Variants in SLIT2 observed in about 807,000 individuals in gnomAD.
SLIT2 encodes slit guidance ligand 2, also known as slit homolog 2 protein.
In SLIT2, 41 loss-of-function variants were observed where a neutral mutation model predicts 185.7. The observed-to-expected ratio is 0.22, with a 90% CI of 0.17 to 0.29. The LOEUF is 0.29. SLIT2 is among the 10% of genes least tolerant of loss of function. The pLI is 1.00. For missense variants in SLIT2, 1,571 were observed against 1,909.0 expected, an observed-to-expected ratio of 0.82 and a Z score of 3.30; for synonymous variants, 693 against 680.2, an observed-to-expected ratio of 1.02 and a Z score of -0.29.
rs556525736 is a variant in SLIT2, at chr4:20,559,706, G to A, written c.2725+5738G>A. 2.0e-5 allele frequency among the ~76,000 whole-genome samples: 3 copies of A among 151,898 alleles called. No homozygotes were observed. In the South Asian group the frequency reaches 6.2e-4, roughly 32 times the overall value. ...TCCCCATTTGAGATATGAAAATATT[G>A]TATTTTAGAGTTATTAAGCAATTTT... is the stretch of plus-strand genomic sequence containing the variant. On this transcript the variant is annotated intron_variant, in intron 26 of 36. Coordinates refer to ENST00000504154, the MANE Select transcript of SLIT2 (RefSeq NM_004787.4).
At chr4:20,489,368 C>T (rs893568430) in intron 8 of SLIT2, among the ~76,000 whole-genome samples, 1 of 152,100 alleles carries the variant, frequency 6.6e-6, no homozygotes, top group Admixed American at 6.5e-5. Flanking sequence ...ATTCAAAGAG[C>T]AATTCAGCCA....
intron 4 of SLIT2, among the ~76,000 whole-genome samples, chr4:20,338,617 A>G (rs1720706181): frequency 6.6e-6 from 1 of 152,232 alleles, no homozygotes; most frequent in Admixed American, 6.5e-5. Flanking sequence ...TTTGGGAATA[A>G]TGACTGCATA....
At chr4:20,614,984 C>T (rs1261509764) in intron 34 of SLIT2, 1 of 152,122 alleles carries the variant, frequency 6.6e-6, no homozygotes, top group African/African-American at 2.4e-5. Flanking sequence ...CAAAAAGGAA[C>T]AGATTTACTA....
At chr4:20,536,763 T>G (rs1722332485) in intron 18 of SLIT2, among the ~76,000 whole-genome samples, 1 of 138,024 alleles carries the variant, frequency 7.2e-6, no homozygotes, top group African/African-American at 2.6e-5. Flanking sequence ...GCTGTATAAA[T>G]TTTTTTACTC....
At chr4:20,432,028 A>G (rs910574198) in intron 4 of SLIT2, among the ~76,000 whole-genome samples, 1 of 148,168 alleles carries the variant, frequency 6.7e-6, no homozygotes, top group East Asian at 1.9e-4. Context: ...TGTGTGTGTG[A>G]GAGAGAGAGA....
At chr4:20,360,889 C>T (rs1056660971) in intron 4 of SLIT2, among the ~76,000 whole-genome samples, 22 of 152,230 alleles carry the variant, frequency 1.4e-4, no homozygotes, top group Admixed American at 1.4e-3. Context: ...TAAAGTCAAC[C>T]TGTGACTTAC....
Position 20,594,457 on chromosome 4 carries a change from T to G in SLIT2, c.3183-1240T>G, listed in dbSNP as rs536323871. ...TCTTAAACTCAAATCAAAAACACTC[T>G]TGGAAGCCAATGTGTAAGCCTAATA... On this transcript the variant is annotated intron_variant, in intron 30 of 36. Coordinates refer to ENST00000504154, the MANE Select transcript of SLIT2 (RefSeq NM_004787.4). 2.0e-5 allele frequency among the ~76,000 whole-genome samples: 3 copies of G among 152,058 alleles called. No homozygotes were observed. The East Asian group carries it at 5.9e-4, about 30-fold the overall frequency.
intron 34 of SLIT2, chr4:20,615,884 G>A (rs1222272485): frequency 6.6e-6 from 1 of 152,266 alleles, no homozygotes; most frequent in African/African-American, 2.4e-5. Flanking sequence ...TTGTGGGGAT[G>A]TGGTGGTATA....
At chr4:20,556,491 G>T (rs1372271032) in intron 26 of SLIT2, among the ~76,000 whole-genome samples, 2 of 151,744 alleles carry the variant, frequency 1.3e-5, no homozygotes, top group Admixed American at 1.3e-4. Context: ...TCTGAAAAAA[G>T]TTGCATATTT....
rs1182755525 is a variant in SLIT2 at position 20,313,933 on chromosome 4, T to G, written c.395+45052T>G. 2.0e-4 allele frequency among the ~76,000 whole-genome samples: 30 copies of G among 152,206 alleles called. 1 individual carries two copies. The highest frequency in any genetic ancestry group is 1.9e-3 in the Admixed American group (29 of 15,286). Reference sequence around the variant, plus strand: ...TCCAGGCCCAGGGGTTGGGGACCCCTGTGTTAAAGTCATGTTCTTATAGCT... The same window carrying G: ...TCCAGGCCCAGGGGTTGGGGACCCCGGTGTTAAAGTCATGTTCTTATAGCT... On this transcript the variant is annotated intron_variant, in intron 4 of 36. Transcript: ENST00000504154.
At chr4:20,434,316 A>C (rs930010125) in intron 4 of SLIT2, among the ~76,000 whole-genome samples, 2 of 151,750 alleles carry the variant, frequency 1.3e-5, no homozygotes, top group South Asian at 2.1e-4. Context: ...GGAGAACCCT[A>C]TCTCTACTAA....
At chr4:20,472,316 A>ATATAGATATCTATATAGATATCTATATC (rs1715251622) in intron 5 of SLIT2, among the ~76,000 whole-genome samples, 1 of 15,160 alleles carries the variant, frequency 6.6e-5, no homozygotes, top group Non-Finnish European at 1.2e-4. Flanking sequence ...CTATATATAG[A>ATATAGATATCTATATAGATATCTATATC]TATATATATC....
chr4:20,510,434 G>T (rs1044769927), intron 9 of SLIT2, 61 bp from the exon 10 acceptor site: 17 of 1,043,876 alleles, frequency 1.6e-5, no homozygotes, highest in Non-Finnish European at 2.3e-5. Context: ...TCCTGAGCTT[G>T]AATTAAACAT....
chr4:20,553,802 C>A lies in SLIT2; in HGVS notation c.2562-3C>A. On this transcript the variant is annotated splice_polypyrimidine_tract_variant and splice_region_variant and intron_variant, in intron 25 of 36. Transcript: ENST00000504154. ...GTGTGCTTCTGTGGTGTTGTTTTTC[C>A]AGAGCAATTGGAGCCAACCCTCTTT... The A allele has an allele frequency of 6.4e-7, 1 of 1,558,054 alleles. No homozygotes were observed. Among genetic ancestry groups the A allele is most frequent in the Non-Finnish European group, 8.6e-7 (1 of 1,156,742 alleles).
intron 4 of SLIT2, among the ~76,000 whole-genome samples, chr4:20,362,431 A>C (rs1400590870): frequency 1.3e-5 from 2 of 152,116 alleles, no homozygotes; most frequent in Non-Finnish European, 1.5e-5. Flanking sequence ...GGGGAAAGCA[A>C]AGGGACAGCT....
chr4:20,454,509 G>A (rs971936474), intron 4 of SLIT2, among the ~76,000 whole-genome samples: 3 of 152,026 alleles, frequency 2.0e-5, no homozygotes, highest in Non-Finnish European at 4.4e-5. Context: ...GTTAAAATCT[G>A]GCAAATACTC....
chr4:20,570,756 T>TAC (rs1725536838), intron 29 of SLIT2, among the ~76,000 whole-genome samples: 7 of 139,838 alleles, frequency 5.0e-5, no homozygotes, highest in African/African-American at 1.6e-4. Context: ...TATATATATA[T>TAC]ATATATTTCC....
At chr4:20,541,672 G>A in intron 20 of SLIT2, 53 bp downstream of exon 20, 1 of 1,452,046 alleles carries the variant, frequency 6.9e-7, no homozygotes, top group Non-Finnish European at 9.6e-7. Context: ...TGCCTGTTCT[G>A]ATGCAGCTTT....
intron 30 of SLIT2, among the ~76,000 whole-genome samples, chr4:20,590,649 TC>T (rs1560220617): frequency 6.6e-6 from 1 of 152,210 alleles, no homozygotes; most frequent in African/African-American, 2.4e-5. Context: ...AAAAAACACT[TC>T]CTTTTTCCTC....
Sources: allele counts gnomAD v4.1 joint callset (sites outside exome capture counted in the v4.1 genomes callset), GRCh38; gene constraint gnomAD v4.1.1; transcripts MANE v1.5; gene names NCBI Gene and HGNC (gene_info 2026-07-23, HGNC 2026-07-21).